The following NRXN3 variants were observed in gnomAD, a reference collection of about 807,000 sequenced individuals.
NRXN3 encodes the protein neurexin III.
In NRXN3, 32 loss-of-function variants were observed where a neutral mutation model predicts 137.6. The observed-to-expected ratio is 0.23, with a 90% CI of 0.18 to 0.31. The LOEUF is 0.31. NRXN3 is among the 10% of genes least tolerant of loss of function. NRXN3 has a pLI of 1.00. For missense variants in NRXN3, 1,574 were observed against 2,062.5 expected (o/e 0.76, Z 4.59); for synonymous variants, 798 against 784.5 (o/e 1.02, Z -0.29).
chr14:79,085,437 A>C (rs1403306134), intron 15 of NRXN3, among the ~76,000 whole-genome samples: 1 of 152,224 alleles, frequency 6.6e-6, no homozygotes, highest in African/African-American at 2.4e-5. Context: ...ATAATAAAGA[A>C]GTTTTTGAAC....
chr14:79,304,947 A>G (rs2085795637), intron 15 of NRXN3, among the ~76,000 whole-genome samples: 1 of 152,034 alleles, frequency 6.6e-6, no homozygotes, highest in African/African-American at 2.4e-5. Context: ...TAACTCTCCA[A>G]AGACATACCC....
chr14:79,274,322 G>A (rs1359050838), intron 15 of NRXN3, among the ~76,000 whole-genome samples: 1 of 151,964 alleles, frequency 6.6e-6, no homozygotes, highest in African/African-American at 2.4e-5. Context: ...TCTGAATAAA[G>A]TCTCCTGTAC....
intron 15 of NRXN3, among the ~76,000 whole-genome samples, chr14:79,337,630 T>C (rs1296669705): frequency 6.6e-6 from 1 of 152,196 alleles, no homozygotes; most frequent in Non-Finnish European, 1.5e-5. Flanking sequence ...AATGATTTTG[T>C]TTTTTCCTTA....
At chr14:78,543,431 A>T (rs1184666624) in intron 4 of NRXN3, among the ~76,000 whole-genome samples, 1 of 152,152 alleles carries the variant, frequency 6.6e-6, no homozygotes, top group Non-Finnish European at 1.5e-5. Flanking sequence ...ATTGTTGCAG[A>T]AGTGTTTTTG....
intron 4 of NRXN3, among the ~76,000 whole-genome samples, chr14:78,355,604 G>A (rs913102276): frequency 6.6e-6 from 1 of 152,088 alleles, no homozygotes; most frequent in Non-Finnish European, 1.5e-5. Flanking sequence ...TTTTTTAGTA[G>A]AGACTGGGTT....
intron 4 of NRXN3, among the ~76,000 whole-genome samples, chr14:78,539,054 G>C (rs1252938050): frequency 2.0e-5 from 3 of 152,176 alleles, no homozygotes; most frequent in Non-Finnish European, 4.4e-5. Flanking sequence ...ATGTTCATCA[G>C]GGATATTGGT....
intron 4 of NRXN3, among the ~76,000 whole-genome samples, chr14:78,360,424 T>C (rs2084945358): frequency 6.6e-6 from 1 of 152,224 alleles, no homozygotes. Context: ...GTTTTTAACA[T>C]AAGGTGTTTG....
intron 4 of NRXN3, among the ~76,000 whole-genome samples, chr14:78,519,413 A>T (rs1329439299): frequency 2.0e-5 from 3 of 152,174 alleles, no homozygotes; most frequent in Non-Finnish European, 4.4e-5. Context: ...CATTCCATGG[A>T]TACTTACATT....
At chr14:78,480,406 T>C (rs2095453203) in intron 4 of NRXN3, among the ~76,000 whole-genome samples, 2 of 152,160 alleles carry the variant, frequency 1.3e-5, no homozygotes, top group Non-Finnish European at 2.9e-5. Context: ...TGTTAAAAGT[T>C]AGATTCCCAA....
At chr14:78,981,850 T>C (rs1271353805) in intron 14 of NRXN3, among the ~76,000 whole-genome samples, 1 of 152,224 alleles carries the variant, frequency 6.6e-6, no homozygotes. Context: ...CTATGTGAAA[T>C]GCATACATTA....
chr14:78,225,417 C>T (rs570585160), intron 1 of NRXN3, among the ~76,000 whole-genome samples: 8 of 152,216 alleles, frequency 5.3e-5, no homozygotes, highest in South Asian at 4.2e-4. Context: ...AGTGTCTGTT[C>T]ATGTCCTTTG....
At chr14:78,403,950 G>A in intron 4 of NRXN3, 3 of 905,992 alleles carry the variant, frequency 3.3e-6, no homozygotes, top group Non-Finnish European at 4.0e-6. Flanking sequence ...TTCCCCATTT[G>A]CCTTACATTG....
intron 15 of NRXN3, among the ~76,000 whole-genome samples, chr14:79,187,826 T>C (rs1329308087): frequency 2.0e-5 from 3 of 152,190 alleles, no homozygotes; most frequent in African/African-American, 7.2e-5. Context: ...TCAGCTGGTG[T>C]GACTAAATTG....
At chr14:78,630,795 C>T (rs924977397) in intron 4 of NRXN3, among the ~76,000 whole-genome samples, 4 of 151,982 alleles carry the variant, frequency 2.6e-5, no homozygotes, top group African/African-American at 7.2e-5. Flanking sequence ...TTAGTAGAGA[C>T]GGGGTTTCAC....
At chr14:78,567,909 C>T (rs1022360545) in intron 4 of NRXN3, among the ~76,000 whole-genome samples, 2 of 152,104 alleles carry the variant, frequency 1.3e-5, no homozygotes, top group Admixed American at 6.5e-5. Flanking sequence ...AGCCCTTTTC[C>T]ACTTTCATCG....
At chr14:79,421,298 TTTGCAG>T (rs1273843253) in intron 15 of NRXN3, among the ~76,000 whole-genome samples, 1 of 152,166 alleles carries the variant, frequency 6.6e-6, no homozygotes, top group Non-Finnish European at 1.5e-5. Flanking sequence ...GATCCAGAAA[TTTGCAG>T]TTGTGCTATT....
At chr14:78,585,620 A>G (rs546209288) in intron 4 of NRXN3, among the ~76,000 whole-genome samples, 36 of 152,098 alleles carry the variant, frequency 2.4e-4, no homozygotes, top group African/African-American at 8.2e-4. Context: ...TCTTGAAGCT[A>G]TGCTTGATGG....
intron 15 of NRXN3, among the ~76,000 whole-genome samples, chr14:79,362,773 C>A (rs919904970): frequency 2.6e-5 from 4 of 152,168 alleles, no homozygotes; most frequent in African/African-American, 9.7e-5. Context: ...TGGGCTTTAT[C>A]CCCAGCAAAT....
At chr14:79,453,154 G>A (rs571338271) in intron 15 of NRXN3, among the ~76,000 whole-genome samples, 8 of 152,082 alleles carry the variant, frequency 5.3e-5, no homozygotes, top group African/African-American at 7.2e-5. Context: ...TCAGCCAGGC[G>A]TGGTGGCTCA....
Sources: allele counts gnomAD v4.1 joint callset (sites outside exome capture counted in the v4.1 genomes callset), GRCh38; gene constraint gnomAD v4.1.1; transcripts MANE v1.5; gene names NCBI Gene and HGNC (gene_info 2026-07-23, HGNC 2026-07-21).